The following CELF4 variants were observed in gnomAD, a reference collection of about 807,000 sequenced individuals.
The protein encoded by CELF4 is CUG-BP- and ETR-3-like factor 4.
A neutral mutation model predicts 59.9 loss-of-function variants in CELF4; 18 were observed. The ratio of observed to expected loss-of-function variants is 0.30; its 90% CI spans 0.21 to 0.45. The LOEUF (loss-of-function observed/expected upper bound fraction) is 0.45. Among genes scored for constraint, CELF4 ranks in the 20% least tolerant of loss-of-function variants. The pLI is 1.00. For synonymous variants in CELF4, 261 were observed against 267.1 expected, an observed-to-expected ratio of 0.98 and a Z score of 0.22; for missense variants, 456 against 689.0, an observed-to-expected ratio of 0.66 and a Z score of 3.79.
At chr18:37,432,090 C>G (rs2099670634) in intron 2 of CELF4, among the ~76,000 whole-genome samples, 1 of 152,254 alleles carries the variant, frequency 6.6e-6, no homozygotes. Context: ...CCCTGGCAGC[C>G]TAGCTTTGGG....
At chr18:37,274,560 G>A (rs779531492) in intron 5 of CELF4, 106 bp from the exon 6 acceptor site, 2 of 1,589,184 alleles carry the variant, frequency 1.3e-6, no homozygotes, top group East Asian at 2.2e-5. Flanking sequence ...GGGCGCTTTG[G>A]AGGAGGCGGC....
chr18:37,332,522 C>G (rs554455173), intron 2 of CELF4, among the ~76,000 whole-genome samples: 13 of 152,238 alleles, frequency 8.5e-5, no homozygotes, highest in Non-Finnish European at 1.6e-4. Flanking sequence ...CATCCCTCTC[C>G]GAGCCTCCAC....
intron 2 of CELF4, among the ~76,000 whole-genome samples, chr18:37,378,381 G>A (rs1289434231): frequency 9.9e-5 from 15 of 151,856 alleles, no homozygotes; most frequent in Admixed American, 9.2e-4. Flanking sequence ...GCACAGAGAG[G>A]GCCATAGGGG....
At chr18:37,432,425 A>C (rs1461430808) in intron 2 of CELF4, among the ~76,000 whole-genome samples, 8 of 152,236 alleles carry the variant, frequency 5.3e-5, no homozygotes. Context: ...AAATTAGAGA[A>C]ATAAGAGAAC....
chr18:37,266,943 G>T (rs186551762), intron 8 of CELF4, among the ~76,000 whole-genome samples: 2 of 152,174 alleles, frequency 1.3e-5, no homozygotes, highest in Non-Finnish European at 2.9e-5. Flanking sequence ...GTGGTGGGGG[G>T]GGACACACAA....
intron 2 of CELF4, among the ~76,000 whole-genome samples, chr18:37,426,087 G>A (rs1359244958): frequency 1.3e-5 from 2 of 152,210 alleles, no homozygotes; most frequent in Admixed American, 1.3e-4. Flanking sequence ...CCCAACTCTG[G>A]CTATGGGCCT....
chr18:37,406,391 G>T (rs968697224), intron 2 of CELF4, among the ~76,000 whole-genome samples: 1 of 152,116 alleles, frequency 6.6e-6, no homozygotes. Context: ...TGCCTTCTAC[G>T]GGAAAGGTCT....
intron 2 of CELF4, among the ~76,000 whole-genome samples, chr18:37,440,178 G>GTCC (rs933127433): frequency 2.0e-5 from 3 of 152,332 alleles, no homozygotes; most frequent in Admixed American, 2.0e-4. Context: ...GACCCAAGGT[G>GTCC]TCCTGTACAC....
chr18:37,409,446 G>A (rs1027966671), intron 2 of CELF4, among the ~76,000 whole-genome samples: 5 of 152,172 alleles, frequency 3.3e-5, no homozygotes, highest in Non-Finnish European at 5.9e-5. Context: ...GGAGGTTGCT[G>A]TGTTTTGGGA....
At chr18:37,487,860 T>A (rs1192469660) in intron 1 of CELF4, among the ~76,000 whole-genome samples, 1 of 152,202 alleles carries the variant, frequency 6.6e-6, no homozygotes, top group Non-Finnish European at 1.5e-5. Flanking sequence ...GTTGCTTTTG[T>A]CCAGCTTCCA....
intron 1 of CELF4, among the ~76,000 whole-genome samples, chr18:37,503,322 A>T (rs780428038): frequency 1.6e-4 from 25 of 152,182 alleles, no homozygotes; most frequent in Admixed American, 7.9e-4. Context: ...ATATTTTCCC[A>T]TGAGGTTTAC....
chr18:37,470,836 CTG>C (rs71381583), intron 2 of CELF4, among the ~76,000 whole-genome samples: 15,524 of 92,916 alleles, frequency 0.17, 1,417 homozygotes, highest in East Asian at 0.19. Context: ...CTTCATGACT[CTG>C]TGTGTGTGTG....
intron 2 of CELF4, among the ~76,000 whole-genome samples, chr18:37,349,792 A>G (rs963646501): frequency 6.6e-6 from 1 of 152,160 alleles, no homozygotes; most frequent in Non-Finnish European, 1.5e-5. Context: ...CAGCAGCACG[A>G]GGCTGAGAAG....
At chr18:37,338,381 T>C (rs9960680) in intron 2 of CELF4, among the ~76,000 whole-genome samples, 19,622 of 144,174 alleles carry the variant, frequency 0.14, 1,739 homozygotes, top group East Asian at 0.38. Flanking sequence ...TCACTATGAC[T>C]GTCACTGACA....
intron 2 of CELF4, among the ~76,000 whole-genome samples, chr18:37,384,592 G>T (rs557576176): frequency 1.3e-5 from 2 of 152,236 alleles, no homozygotes; most frequent in Non-Finnish European, 1.5e-5. Flanking sequence ...CCTGGGCCAT[G>T]TTGGGAGCCT....
intron 1 of CELF4, among the ~76,000 whole-genome samples, chr18:37,524,052 A>C (rs1603643362): frequency 6.6e-6 from 1 of 152,188 alleles, no homozygotes; most frequent in South Asian, 2.1e-4. Context: ...TGTGCTCCGC[A>C]CCCATGGAGC....
At position 37,437,377 on chromosome 18, in the gene CELF4, C is replaced by A. The variant is rs185376910; in HGVS notation, c.369+48148G>T. ...GTCAGGGGCCCTGCACTCTGAGAGC[C>A]GGGAAGCCTTTCAGCATTGCAGTCT... On this transcript the variant is annotated intron_variant, in intron 2 of 12. Transcript: ENST00000420428. Among the ~76,000 whole-genome samples, 7 of 152,268 alleles carry A rather than the reference C, an allele frequency of 4.6e-5. No homozygotes were observed. The East Asian group carries it at 1.4e-3, about 29-fold the overall frequency.
intron 2 of CELF4, among the ~76,000 whole-genome samples, chr18:37,391,440 C>G (rs2154577132): frequency 6.6e-6 from 1 of 152,368 alleles, no homozygotes; most frequent in East Asian, 1.9e-4. Context: ...TGAATGCAGG[C>G]TGGGCCCTCC....
chr18:37,345,516 C>G (rs2098222255), intron 2 of CELF4, among the ~76,000 whole-genome samples: 1 of 152,112 alleles, frequency 6.6e-6, no homozygotes. Context: ...TCGGTTGCAG[C>G]AACCAGCACA....
Sources: gnomAD v4.1 joint callset for allele counts (sites outside exome capture counted in the v4.1 genomes callset) on GRCh38, gnomAD v4.1.1 for gene constraint, MANE v1.5 for transcripts, NCBI Gene and HGNC (gene_info 2026-07-23, HGNC 2026-07-21) for gene names.